Variants in KPNA7 observed in about 807,000 individuals in gnomAD.
KPNA7 encodes importin subunit alpha-8.
In KPNA7, 54 loss-of-function variants were observed where a neutral mutation model predicts 53.7. The ratio of observed to expected loss-of-function variants is 1.01; its 90% CI spans 0.81 to 1.26. The LOEUF is 1.26. Ranked by LOEUF, KPNA7 falls within the 50% of genes most tolerant of loss-of-function variation. The pLI, the probability that KPNA7 is intolerant of heterozygous loss-of-function variation, is 0.00. For missense variants in KPNA7, 640 were observed against 644.5 expected (o/e 0.99, Z 0.07); for synonymous variants, 276 against 259.3 (o/e 1.06, Z -0.62).
At position 99,188,472 on chromosome 7, in the gene KPNA7, A is replaced by G. The variant is rs976989983; in HGVS notation, c.728T>C (p.Leu243Pro). 10 of 1,551,614 alleles carry G rather than the reference A, an allele frequency of 6.4e-6. No individual in the cohort carries two copies. Among genetic ancestry groups the G allele is most frequent in the Non-Finnish European group, 8.7e-6 (10 of 1,147,024 alleles). The change falls in exon 7 of 11, where the codon CTG becomes CCG. Residue 243 changes from leucine (L) to proline (P), a missense_variant. Leu to Pro is a moderately conservative substitution (Grantham distance 98). Transcript: ENST00000327442. ...YPCDTAVKQI[L>P]PALLHLLQHQ... ...CTGCAGGAGGTGAAGGAGGGCCGGC[A>G]GTATCTGCTTCACCGCAGTGTCGCA... is the stretch of plus-strand genomic sequence containing the variant.
chr7:99,195,401 C>CTT (rs916148045), intron 4 of KPNA7, 63 bp from the exon 5 acceptor site: 21 of 1,469,902 alleles, frequency 1.4e-5, no homozygotes, highest in Non-Finnish European at 1.9e-5. Context: ...TAAGGACCTC[C>CTT]TTTTAGGCCA....
chr7:99,181,909 GGAT>G lies in KPNA7; in HGVS notation c.1288_1290del (p.Ile430del). 1 of 1,550,400 alleles carries G rather than the reference GGAT, an allele frequency of 6.4e-7. No homozygotes were observed. The highest frequency in any genetic ancestry group is 2.4e-5 in the East Asian group (1 of 40,854). On this transcript the variant is annotated inframe_deletion, in exon 9 of 11. Coordinates refer to ENST00000327442, the MANE Select transcript of KPNA7 (RefSeq NM_001145715.3). The stretch of plus-strand genomic sequence containing the variant: ...TGGAGGATGCAAGAGATGACATCAA[GGAT>G]GATGAGAACAATTTTAACATCTGGG...
chr7:99,181,662 C>T (rs141350946), intron 9 of KPNA7, among the ~76,000 whole-genome samples: 1 of 152,274 alleles, frequency 6.6e-6, no homozygotes, highest in African/African-American at 2.4e-5. Flanking sequence ...GATTCTCCCA[C>T]CTCAGCCTCC....
chr7:99,170,977 GC>G (rs1488835222), downstream of KPNA7, among the ~76,000 whole-genome samples: 3 of 152,122 alleles, frequency 2.0e-5, no homozygotes, highest in Non-Finnish European at 2.9e-5. Flanking sequence ...AGGTGCGGTG[GC>G]TCACACCTGC....
chr7:99,156,433 G>A, the KPNA7 span, among the ~76,000 whole-genome samples: 62 of 152,088 alleles, frequency 4.1e-4, no homozygotes, highest in South Asian at 8.3e-4. Context: ...AAATTTCACC[G>A]CATTGAATCC....
intron 4 of KPNA7, 67 bp from the exon 5 acceptor site, chr7:99,195,405 T>TAC (rs1790178412): frequency 6.9e-7 from 1 of 1,452,884 alleles, no homozygotes; most frequent in Non-Finnish European, 9.3e-7. Context: ...GACCTCCTTT[T>TAC]AGGCCAGGTG....
chr7:99,216,311 G>A (rs1791216640), intron 1 of KPNA7, among the ~76,000 whole-genome samples: 2 of 152,022 alleles, frequency 1.3e-5, no homozygotes, highest in African/African-American at 4.8e-5. Flanking sequence ...TTACAGATAT[G>A]AGCCACTGCA....
intron 3 of KPNA7, among the ~76,000 whole-genome samples, chr7:99,201,317 T>C (rs1266836818): frequency 6.6e-6 from 1 of 152,142 alleles, no homozygotes; most frequent in Non-Finnish European, 1.5e-5. Context: ...AACCACTGAT[T>C]AGGCACTTAA....
At chr7:99,160,690 G>A in the KPNA7 span, among the ~76,000 whole-genome samples, 1 of 152,060 alleles carries the variant, frequency 6.6e-6, no homozygotes, top group Non-Finnish European at 1.5e-5. Flanking sequence ...GTGGCCCTAG[G>A]TTATCATTTA....
intron 4 of KPNA7, 144 bp downstream of exon 4, chr7:99,195,940 T>C: frequency 1.5e-6 from 1 of 651,966 alleles, no homozygotes; most frequent in Non-Finnish European, 2.7e-6. Flanking sequence ...AGCAATTTCG[T>C]CTTTTAGATG....
chr7:99,179,454 G>T (rs748191994), intron 9 of KPNA7, among the ~76,000 whole-genome samples: 1 of 152,184 alleles, frequency 6.6e-6, no homozygotes, highest in Non-Finnish European at 1.5e-5. Flanking sequence ...TACTTGGAAG[G>T]CTGAGGTGGG....
intron 1 of KPNA7, among the ~76,000 whole-genome samples, chr7:99,214,010 C>T (rs1791140241): frequency 6.6e-6 from 1 of 152,090 alleles, no homozygotes; most frequent in East Asian, 1.9e-4. Flanking sequence ...GTGAAGGAGC[C>T]ATCTCAGACA....
intron 8 of KPNA7, 136 bp downstream of exon 8, chr7:99,184,793 A>G: frequency 1.4e-6 from 1 of 733,912 alleles, no homozygotes; most frequent in Non-Finnish European, 2.3e-6. Context: ...TTTCAGGCAA[A>G]GCTAGGACTC....
At chr7:99,187,130 T>C (rs1789635681) in intron 7 of KPNA7, among the ~76,000 whole-genome samples, 1 of 151,804 alleles carries the variant, frequency 6.6e-6, no homozygotes, top group South Asian at 2.1e-4. Context: ...CTACTAAAAA[T>C]ACAAAAATTA....
chr7:99,173,747 A>T lies in KPNA7; in HGVS notation c.1512T>A (p.Asp504Glu), dbSNP rs1469277277. Residue 504 changes from aspartate (D) to glutamate (E), a missense_variant, in exon 11 of 11, where the codon GAT (aspartate) becomes GAA (glutamate). Transcript: ENST00000327442. ...QTLLSQVIDQ[D>E]YEFIDYECLA... ...AGCATTCATAATCTATAAATTCATA[A>T]TCTTGGTCTATGACTTGGCTCAGTA... The T allele has an allele frequency of 5.8e-6, 9 of 1,551,772 alleles. No individual in the cohort carries two copies. The highest frequency in any genetic ancestry group is 7.8e-6 in the Non-Finnish European group (9 of 1,146,878).
intron 6 of KPNA7, among the ~76,000 whole-genome samples, chr7:99,192,691 G>T (rs1474887217): frequency 6.6e-6 from 1 of 152,160 alleles, no homozygotes; most frequent in Non-Finnish European, 1.5e-5. Context: ...TCACAGACAT[G>T]AGCCACCATG....
chr7:99,190,574 C>T (rs1409500873), intron 6 of KPNA7, among the ~76,000 whole-genome samples: 1 of 152,030 alleles, frequency 6.6e-6, no homozygotes, highest in Non-Finnish European at 1.5e-5. Context: ...ACATTTTTAG[C>T]CTGTGGCTTC....
At chr7:99,195,765 G>C (rs17161615) in intron 4 of KPNA7, among the ~76,000 whole-genome samples, 12,970 of 152,212 alleles carry the variant, frequency 0.085, 575 homozygotes, top group South Asian at 0.15. Context: ...AGCTACTTAA[G>C]ATCCTAGTGT....
chr7:99,154,422 C>A, the KPNA7 span, among the ~76,000 whole-genome samples: 1 of 152,084 alleles, frequency 6.6e-6, no homozygotes, highest in Non-Finnish European at 1.5e-5. Context: ...AGCCACCACA[C>A]CTGGCAAAAA....
Sources: gnomAD v4.1 joint callset for allele counts (sites outside exome capture counted in the v4.1 genomes callset) on GRCh38, gnomAD v4.1.1 for gene constraint, MANE v1.5 for transcripts, NCBI Gene and HGNC (gene_info 2026-07-23, HGNC 2026-07-21) for gene names.